Variants in CSMD1 observed in about 807,000 individuals in gnomAD.
The protein encoded by CSMD1 is CUB and Sushi multiple domains 1, also known as CUB and sushi domain-containing protein 1.
In CSMD1, 213 loss-of-function variants were observed where a neutral mutation model predicts 417.5. The ratio of observed to expected loss-of-function variants is 0.51; its 90% CI spans 0.46 to 0.57. CSMD1 has a LOEUF of 0.57. CSMD1 is among the 20% of genes least tolerant of loss of function. The probability of loss-of-function intolerance (pLI) is 0.00; values close to 1 mark genes in which losing one functional copy is unlikely to be tolerated. For synonymous variants in CSMD1, 2,862 were observed against 1,736.8 expected (o/e 1.65, Z -16.11); for missense variants, 6,923 against 4,529.7 (o/e 1.53, Z -15.17).
intron 3 of CSMD1, among the ~76,000 whole-genome samples, chr8:4,233,165 T>C (rs948924643): frequency 2.6e-5 from 4 of 152,244 alleles, no homozygotes; most frequent in African/African-American, 7.2e-5. Context: ...TGCATTTTAA[T>C]AGAAGCAACA....
intron 10 of CSMD1, among the ~76,000 whole-genome samples, chr8:3,566,761 TAA>T (rs1159689457): frequency 6.6e-6 from 1 of 152,158 alleles, no homozygotes; most frequent in Non-Finnish European, 1.5e-5. Context: ...TGGCTATTAT[TAA>T]AAAGTCAGAA....
chr8:3,261,304 T>A (rs1162449404), intron 26 of CSMD1, among the ~76,000 whole-genome samples: 1 of 152,190 alleles, frequency 6.6e-6, no homozygotes, highest in Non-Finnish European at 1.5e-5. Context: ...GAAAATTATT[T>A]GGCAGTTAAA....
chr8:2,951,389 G>C, intron 65 of CSMD1, 114 bp from the exon 66 acceptor site: 2 of 1,105,538 alleles, frequency 1.8e-6, no homozygotes, highest in Non-Finnish European at 1.3e-6. Context: ...GATGAGGGCA[G>C]TGATGAAGAC....
At chr8:4,363,470 C>G (rs1438038820) in intron 3 of CSMD1, among the ~76,000 whole-genome samples, 1 of 152,178 alleles carries the variant, frequency 6.6e-6, no homozygotes, top group East Asian at 1.9e-4. Context: ...ATCTTCCCCA[C>G]CACCCCCTCT....
chr8:3,194,855 C>G (rs754018067), intron 33 of CSMD1, among the ~76,000 whole-genome samples: 59 of 152,082 alleles, frequency 3.9e-4, no homozygotes, highest in Non-Finnish European at 5.1e-4. Context: ...GCTCCTGAGC[C>G]TGGGATGCAG....
intron 2 of CSMD1, among the ~76,000 whole-genome samples, chr8:4,625,805 T>A (rs1311218745): frequency 2.0e-5 from 3 of 152,048 alleles, no homozygotes; most frequent in Admixed American, 2.0e-4. Context: ...CTCATTCCAA[T>A]CTCTGCCTCC....
At chr8:3,568,178 G>A (rs1031003895) in intron 10 of CSMD1, among the ~76,000 whole-genome samples, 4 of 152,112 alleles carry the variant, frequency 2.6e-5, no homozygotes, top group South Asian at 2.1e-4. Flanking sequence ...GGGTTATAAA[G>A]TACTGATGTT....
intron 2 of CSMD1, among the ~76,000 whole-genome samples, chr8:4,471,244 T>A (rs1208738368): frequency 1.3e-5 from 2 of 152,162 alleles, no homozygotes; most frequent in South Asian, 4.1e-4. Flanking sequence ...GCTCACAAAA[T>A]GGTGTCCTAC....
intron 2 of CSMD1, among the ~76,000 whole-genome samples, chr8:4,531,203 A>G (rs935754423): frequency 3.9e-5 from 6 of 152,162 alleles, no homozygotes; most frequent in African/African-American, 1.4e-4. Flanking sequence ...TCAGTGACGT[A>G]CAGTTGTTTT....
At chr8:4,547,972 T>C (rs1180412843) in intron 2 of CSMD1, among the ~76,000 whole-genome samples, 1 of 152,194 alleles carries the variant, frequency 6.6e-6, no homozygotes. Context: ...ATTACATTTA[T>C]TGAGCAAATG....
intron 20 of CSMD1, 86 bp from the exon 21 acceptor site, chr8:3,359,426 TAAA>T (rs34858861): frequency 3.8e-3 from 1,954 of 512,492 alleles, no homozygotes; most frequent in South Asian, 8.0e-3. Context: ...GTGCTATTAC[TAAA>T]AAAAAAAAAA....
intron 11 of CSMD1, among the ~76,000 whole-genome samples, chr8:3,488,237 G>C (rs1398008590): frequency 6.6e-6 from 1 of 151,908 alleles, no homozygotes; most frequent in African/African-American, 2.4e-5. Context: ...TGAGTAGCTG[G>C]GACTGCAGGC....
chr8:3,261,699 C>G (rs1210781240), intron 26 of CSMD1, among the ~76,000 whole-genome samples: 1 of 152,014 alleles, frequency 6.6e-6, no homozygotes, highest in Non-Finnish European at 1.5e-5. Flanking sequence ...TGCAACAAGC[C>G]GGCCCCATCA....
rs1045685287 is a variant in CSMD1, at chr8:3,284,335, A to G, written c.3962T>C (p.Ile1321Thr). Residue 1321 changes from isoleucine to threonine, a missense_variant, in exon 26 of 70, where the codon ATT (isoleucine) becomes ACT (threonine). Coordinates refer to ENST00000635120, the MANE Select transcript of CSMD1 (RefSeq NM_033225.6). ...GTGAGCCATCTCCGTGTCGAAAACA[A>G]TGAAATGGAGGCTGCAAGAGAGAAC... ...DPGKTISLHF[I>T]VFDTEMAHDI... 39 of 1,613,298 alleles carry G rather than the reference A, an allele frequency of 2.4e-5. No individual in the cohort carries two copies. The highest frequency in any genetic ancestry group is 3.2e-5 in the Non-Finnish European group (38 of 1,179,674).
chr8:3,108,888 C>T (rs756245581), intron 43 of CSMD1, 140 bp from the exon 44 acceptor site: 10 of 847,780 alleles, frequency 1.2e-5, no homozygotes, highest in Admixed American at 5.8e-5. Context: ...TTGTAAACAT[C>T]AAGATGTTGA....
At chr8:3,046,323 C>T (rs535475255) in intron 50 of CSMD1, among the ~76,000 whole-genome samples, 1 of 152,132 alleles carries the variant, frequency 6.6e-6, no homozygotes, top group East Asian at 1.9e-4. Flanking sequence ...AGTGTGAGAG[C>T]AAGAAAGGAG....
At chr8:3,004,756 T>A (rs1042291637) in intron 52 of CSMD1, among the ~76,000 whole-genome samples, 1 of 152,158 alleles carries the variant, frequency 6.6e-6, no homozygotes. Context: ...CTTAAAATGG[T>A]TGAGAGAACC....
intron 1 of CSMD1, among the ~76,000 whole-genome samples, chr8:4,739,922 T>C (rs540095993): frequency 6.6e-6 from 1 of 152,278 alleles, no homozygotes; most frequent in East Asian, 1.9e-4. Context: ...CTTCTTCAGT[T>C]GCTCTCTGCA....
At chr8:3,733,504 G>T (rs893586236) in intron 6 of CSMD1, among the ~76,000 whole-genome samples, 3 of 151,758 alleles carry the variant, frequency 2.0e-5, no homozygotes, top group East Asian at 3.9e-4. Flanking sequence ...ACGGTCAACC[G>T]CGTTCTGAAA....
Sources: gnomAD v4.1 joint callset for allele counts (sites outside exome capture counted in the v4.1 genomes callset) on GRCh38, gnomAD v4.1.1 for gene constraint, MANE v1.5 for transcripts, NCBI Gene and HGNC (gene_info 2026-07-23, HGNC 2026-07-21) for gene names.